PRKD1: variants seen among roughly 807,000 people sequenced by gnomAD.
PRKD1 encodes the protein protein kinase D1.
In PRKD1, 63 loss-of-function variants were observed where a neutral mutation model predicts 95.9. That is an observed-to-expected ratio of 0.66 (90% CI 0.54 to 0.81). The LOEUF (loss-of-function observed/expected upper bound fraction) is 0.81. Ranked by LOEUF, PRKD1 falls within the 30% of genes least tolerant of loss-of-function variation. PRKD1 has a pLI of 0.00. For missense variants in PRKD1, 1,048 were observed against 1,165.3 expected, an observed-to-expected ratio of 0.90 and a Z score of 1.47; for synonymous variants, 425 against 423.1, an observed-to-expected ratio of 1.00 and a Z score of -0.05.
intron 2 of PRKD1, among the ~76,000 whole-genome samples, chr14:29,720,528 T>G (rs893799654): frequency 5.3e-5 from 8 of 151,894 alleles, no homozygotes; most frequent in Admixed American, 5.2e-4. Flanking sequence ...ACGCCTGTAA[T>G]CCCAGCACTT....
intron 1 of PRKD1, among the ~76,000 whole-genome samples, chr14:29,760,930 T>C (rs548391952): frequency 9.2e-5 from 14 of 152,282 alleles, no homozygotes; most frequent in South Asian, 2.1e-4. Context: ...CTTTACGTTT[T>C]AGCCAAAATC....
At chr14:29,669,272 A>G (rs547379157) in intron 2 of PRKD1, among the ~76,000 whole-genome samples, 1 of 152,342 alleles carries the variant, frequency 6.6e-6, no homozygotes, top group East Asian at 1.9e-4. Context: ...AAACAAATTA[A>G]GGAAAAGTCA....
intron 11 of PRKD1, among the ~76,000 whole-genome samples, chr14:29,627,218 C>T (rs984160468): frequency 1.3e-5 from 2 of 152,174 alleles, no homozygotes; most frequent in African/African-American, 2.4e-5. Flanking sequence ...TAAATAATCA[C>T]GGTTCCCAAC....
chr14:29,823,380 T>C (rs776720542), intron 1 of PRKD1, among the ~76,000 whole-genome samples: 23 of 152,192 alleles, frequency 1.5e-4, no homozygotes, highest in Admixed American at 2.0e-4. Context: ...ATATTTGTTA[T>C]TCGCAGAGCC....
At chr14:29,814,825 C>T (rs1306037495) in intron 1 of PRKD1, among the ~76,000 whole-genome samples, 2 of 152,084 alleles carry the variant, frequency 1.3e-5, no homozygotes, top group African/African-American at 2.4e-5. Flanking sequence ...ATATTTTATG[C>T]AATTTAATTA....
chr14:29,764,545 T>A (rs1307990609), intron 1 of PRKD1, among the ~76,000 whole-genome samples: 1 of 152,176 alleles, frequency 6.6e-6, no homozygotes, highest in Non-Finnish European at 1.5e-5. Flanking sequence ...AGCAGTTTGA[T>A]GTCTGGTAAG....
chr14:29,681,283 T>A (rs576425636), intron 2 of PRKD1, among the ~76,000 whole-genome samples: 10 of 152,240 alleles, frequency 6.6e-5, no homozygotes, highest in Non-Finnish European at 1.0e-4. Flanking sequence ...CTGGTGCAAA[T>A]AAAACAAAGT....
intron 1 of PRKD1, among the ~76,000 whole-genome samples, chr14:29,808,284 C>G (rs1890324437): frequency 7.4e-6 from 1 of 135,068 alleles, no homozygotes; most frequent in Non-Finnish European, 1.5e-5. Flanking sequence ...AAAGAAATGA[C>G]TTTATTTGTT....
At position 29,599,089 on chromosome 14, in the gene PRKD1, T is replaced by C. The variant is rs1220506775; in HGVS notation, c.2104A>G (p.Ile702Val). Residue 702 changes from isoleucine (I) to valine (V), a missense_variant, in exon 15 of 18, where the codon ATC (isoleucine) becomes GTC (valine). This residue lies in a region of PRKD1 where 739 missense variants were observed against 861.9 expected (regional missense o/e 0.86). Coordinates refer to ENST00000331968, the MANE Select transcript of PRKD1 (RefSeq NM_002742.3). ...VALRHLHFKN[I>V]VHCDLKPENV... is the part of the protein sequence containing the mutation. ...TCTGGTTTGAGGTCACAGTGAACGA[T>C]ATTTTTAAAATGAAGGTGCCGCAAA... 1.2e-5 allele frequency: 19 copies of C among 1,613,802 alleles called. No individual in the cohort carries two copies. The highest frequency in any genetic ancestry group is 1.4e-5 in the Non-Finnish European group (17 of 1,179,784).
At chr14:29,658,991 T>C (rs926459602) in intron 4 of PRKD1, among the ~76,000 whole-genome samples, 2 of 152,200 alleles carry the variant, frequency 1.3e-5, no homozygotes, top group African/African-American at 2.4e-5. Context: ...CCATTGCTAT[T>C]ATCATTTTAA....
At chr14:29,731,873 T>A (rs924319595) in intron 1 of PRKD1, among the ~76,000 whole-genome samples, 12 of 151,444 alleles carry the variant, frequency 7.9e-5, no homozygotes, top group Non-Finnish European at 1.3e-4. Context: ...TCTACTTTTT[T>A]TTTTTTTTTT....
intron 1 of PRKD1, among the ~76,000 whole-genome samples, chr14:29,773,288 C>G (rs1398647690): frequency 6.6e-6 from 1 of 151,814 alleles, no homozygotes; most frequent in Non-Finnish European, 1.5e-5. Context: ...TGTCAAAACC[C>G]CACTCTACTA....
intron 1 of PRKD1, among the ~76,000 whole-genome samples, chr14:29,883,824 T>G (rs1248714193): frequency 6.6e-6 from 1 of 152,164 alleles, no homozygotes; most frequent in Admixed American, 6.5e-5. Flanking sequence ...CAAGTCACAA[T>G]TATGAAAACT....
intron 16 of PRKD1, among the ~76,000 whole-genome samples, chr14:29,586,746 A>G (rs945714287): frequency 6.6e-6 from 1 of 152,000 alleles, no homozygotes; most frequent in Non-Finnish European, 1.5e-5. Context: ...GGTTCAAGCA[A>G]TTCTCCTGCC....
chr14:29,715,336 G>T (rs887040709), intron 2 of PRKD1, among the ~76,000 whole-genome samples: 155 of 151,894 alleles, frequency 1.0e-3, no homozygotes, highest in Non-Finnish European at 2.0e-3. Flanking sequence ...TAGTGAAAAT[G>T]TTCTATATCA....
chr14:29,744,178 G>C (rs924579322), intron 1 of PRKD1, among the ~76,000 whole-genome samples: 1 of 152,090 alleles, frequency 6.6e-6, no homozygotes, highest in Non-Finnish European at 1.5e-5. Flanking sequence ...TCTCTGCTGA[G>C]ATGTATCTAC....
At chr14:29,841,583 T>C (rs1051356756) in intron 1 of PRKD1, among the ~76,000 whole-genome samples, 5 of 152,150 alleles carry the variant, frequency 3.3e-5, no homozygotes, top group Admixed American at 3.3e-4. Context: ...CCATGTAAGA[T>C]GTGACTTGCT....
intron 2 of PRKD1, among the ~76,000 whole-genome samples, chr14:29,683,436 T>C (rs890529921): frequency 6.6e-6 from 1 of 152,004 alleles, no homozygotes; most frequent in Non-Finnish European, 1.5e-5. Context: ...GATATCCAAG[T>C]GGAAAAAGTC....
chr14:29,606,849 T>C (rs1341300498), intron 13 of PRKD1, among the ~76,000 whole-genome samples: 1 of 152,210 alleles, frequency 6.6e-6, no homozygotes, highest in African/African-American at 2.4e-5. Flanking sequence ...CAGAACAGGT[T>C]TGACTACAAG....
Sources: allele counts gnomAD v4.1 joint callset (sites outside exome capture counted in the v4.1 genomes callset), GRCh38; gene constraint gnomAD v4.1.1; regional missense constraint gnomAD v4.1.1; transcripts MANE v1.5; gene names NCBI Gene and HGNC (gene_info 2026-07-23, HGNC 2026-07-21).